Variants in FBP1 observed in about 807,000 individuals in gnomAD.
FBP1 encodes fructose-1,6-bisphosphatase 1.
FBP1 carries 22 observed loss-of-function variants against 29.9 expected under a neutral mutation model. The ratio of observed to expected loss-of-function variants is 0.74; its 90% CI spans 0.53 to 1.05. The LOEUF (loss-of-function observed/expected upper bound fraction) is 1.05, where lower values mean the gene tolerates loss of function less well. Among genes scored for constraint, FBP1 ranks in the 50% least tolerant of loss-of-function variants. FBP1 has a pLI of 0.00. For synonymous variants in FBP1, 175 were observed against 178.6 expected, an observed-to-expected ratio of 0.98 and a Z score of 0.16; for missense variants, 345 against 448.2, an observed-to-expected ratio of 0.77 and a Z score of 2.08.
chr9:94,618,668 TA>T (rs1827899142), intron 2 of FBP1, among the ~76,000 whole-genome samples: 1 of 151,940 alleles, frequency 6.6e-6, no homozygotes, highest in African/African-American at 2.4e-5. Context: ...AACAAATTTC[TA>T]GCGTAATTCC....
chr9:94,630,919 C>A (rs28402409), intron 1 of FBP1, among the ~76,000 whole-genome samples: 2 of 152,216 alleles, frequency 1.3e-5, no homozygotes, highest in East Asian at 1.9e-4. Context: ...AATAGAGCCC[C>A]GCAGGCATCC....
intron 1 of FBP1, among the ~76,000 whole-genome samples, chr9:94,624,225 C>A (rs1827989628): frequency 6.6e-6 from 1 of 151,648 alleles, no homozygotes; most frequent in Non-Finnish European, 1.5e-5. Flanking sequence ...GTAGTCCCAG[C>A]TACTCAGGAG....
intron 1 of FBP1, among the ~76,000 whole-genome samples, chr9:94,621,398 A>AAAAATTATAT (rs58726402): frequency 1.4e-5 from 2 of 146,158 alleles, no homozygotes; most frequent in Non-Finnish European, 3.0e-5. Context: ...TCCGTCTAAA[A>AAAAATTATAT]ATATATATAT....
At chr9:94,613,580 C>G (rs1827817298) in intron 3 of FBP1, among the ~76,000 whole-genome samples, 1 of 152,018 alleles carries the variant, frequency 6.6e-6, no homozygotes, top group African/African-American at 2.4e-5. Flanking sequence ...GCCTGGGAAA[C>G]ATAGCGAGAC....
At chr9:94,613,706 C>T (rs1172272466) in intron 3 of FBP1, among the ~76,000 whole-genome samples, 3 of 151,184 alleles carry the variant, frequency 2.0e-5, no homozygotes, top group Admixed American at 2.0e-4. Flanking sequence ...GGTGAGGCTG[C>T]AGTGAGCCAT....
At chr9:94,606,783 A>G (rs1563979080) in intron 5 of FBP1, 32 bp downstream of exon 5, 1 of 1,606,854 alleles carries the variant, frequency 6.2e-7, no homozygotes, top group Non-Finnish European at 8.5e-7. Context: ...GATGCCCAGA[A>G]CCTGCACCAC....
At chr9:94,631,867 T>G (rs1426381097) in intron 1 of FBP1, among the ~76,000 whole-genome samples, 3 of 152,098 alleles carry the variant, frequency 2.0e-5, no homozygotes, top group Non-Finnish European at 4.4e-5. Context: ...AGAAATACAT[T>G]GAAGAGGTGC....
At chr9:94,605,076 AAAG>A (rs1379681766) in intron 6 of FBP1, among the ~76,000 whole-genome samples, 1 of 152,218 alleles carries the variant, frequency 6.6e-6, no homozygotes, top group African/African-American at 2.4e-5. Flanking sequence ...GAAAGCAATC[AAAG>A]AAGACTTCTA....
chr9:94,636,352 C>A lies in FBP1; in HGVS notation c.170+2789G>T, dbSNP rs140898262. 7.5e-3 allele frequency among the ~76,000 whole-genome samples: 1,141 copies of A among 152,114 alleles called. 15 individuals carry two copies. Among genetic ancestry groups the A allele is most frequent in the African/African-American group, 0.027 (1,100 of 41,470 alleles). On this transcript the variant is annotated intron_variant, in intron 1 of 6. Transcript: ENST00000375326. ...AAATTATCCGGCATGGTGGCACATG[C>A]CTGTAGTCCCAGCTACAGGGGAGGC...
chr9:94,613,441 A>G (rs1375284870), intron 3 of FBP1, among the ~76,000 whole-genome samples: 2 of 152,220 alleles, frequency 1.3e-5, no homozygotes, highest in Non-Finnish European at 2.9e-5. Flanking sequence ...GCATTGCAGG[A>G]GAATTCGCCC....
chr9:94,635,580 A>T (rs938908166), intron 1 of FBP1, among the ~76,000 whole-genome samples: 6 of 152,176 alleles, frequency 3.9e-5, no homozygotes, highest in African/African-American at 1.4e-4. Context: ...CTGGATTTCA[A>T]TGCCTGGAAT....
chr9:94,607,088 A>G, intron 4 of FBP1, 136 bp from the exon 5 acceptor site: 2 of 1,019,432 alleles, frequency 2.0e-6, no homozygotes, highest in Non-Finnish European at 3.1e-6. Context: ...TGGGGCCCCG[A>G]GACACCTGCC....
chr9:94,624,084 C>G (rs566088195), intron 1 of FBP1, among the ~76,000 whole-genome samples: 2 of 151,758 alleles, frequency 1.3e-5, no homozygotes, highest in African/African-American at 4.8e-5. Context: ...GCCTGTAATC[C>G]CAGCACTTTG....
At chr9:94,617,280 CAACT>C (rs1466833662) in intron 3 of FBP1, among the ~76,000 whole-genome samples, 1 of 152,066 alleles carries the variant, frequency 6.6e-6, no homozygotes, top group African/African-American at 2.4e-5. Flanking sequence ...TAGTTTTTTT[CAACT>C]ATTTAAAAAT....
In FBP1 at chr9:94,614,408, T is replaced by C. The variant is rs550288111; in HGVS notation, c.426+3360A>G. Reference sequence around the variant, plus strand: ...ACAAAAAATTAGCCAAGCGTGGTGGTGGGCGCCTGTAGTCCCAGCTACTCA... The same window carrying C: ...ACAAAAAATTAGCCAAGCGTGGTGGCGGGCGCCTGTAGTCCCAGCTACTCA... On this transcript the variant is annotated intron_variant, in intron 3 of 6. Transcript: ENST00000375326. Among the ~76,000 whole-genome samples, 909 of 148,958 alleles carry C rather than the reference T, an allele frequency of 6.1e-3. 2 individuals are homozygous for C. The highest frequency in any genetic ancestry group is 9.3e-3 in the Non-Finnish European group (623 of 66,658).
intron 3 of FBP1, among the ~76,000 whole-genome samples, chr9:94,617,378 A>G (rs1291075405): frequency 6.6e-6 from 1 of 152,232 alleles, no homozygotes; most frequent in African/African-American, 2.4e-5. Context: ...CTTATAGACC[A>G]TTGACTAGGG....
chr9:94,619,630 T>G (rs1827913752), intron 2 of FBP1, among the ~76,000 whole-genome samples: 1 of 151,850 alleles, frequency 6.6e-6, no homozygotes, highest in African/African-American at 2.4e-5. Context: ...TCCCAGCACT[T>G]TGGGAGGCCA....
intron 3 of FBP1, among the ~76,000 whole-genome samples, chr9:94,611,821 G>A (rs534407153): frequency 1.3e-5 from 2 of 152,270 alleles, no homozygotes; most frequent in South Asian, 4.1e-4. Context: ...TTCCATGGCG[G>A]GGCCTGAGAA....
Position 94,620,462 on chromosome 9 carries a change from G to A in FBP1, c.200C>T (p.Thr67Ile). The change falls in exon 2 of 7, where the codon ACA becomes ATA. Residue 67 changes from threonine to isoleucine, a missense_variant. Transcript: ENST00000375326. The part of the protein sequence containing the change: ...LYGIAGSTNV[T>I]GDQVKKLDVL... ...GTCCAGCTTCTTAACTTGATCACCT[G>A]TCACGTTGGTAGAACCAGCAATGCC... 1 of 1,614,138 alleles carries A rather than the reference G, an allele frequency of 6.2e-7. No homozygotes were observed. Among genetic ancestry groups the A allele is most frequent in the Non-Finnish European group, 8.5e-7 (1 of 1,180,032 alleles).
Sources: allele counts gnomAD v4.1 joint callset (sites outside exome capture counted in the v4.1 genomes callset), GRCh38; gene constraint gnomAD v4.1.1; transcripts MANE v1.5; gene names NCBI Gene and HGNC (gene_info 2026-07-23, HGNC 2026-07-21).